Variants in DLC1 observed in about 807,000 individuals in gnomAD.
The protein encoded by DLC1 is DLC1 Rho GTPase activating protein.
Under a neutral mutation model 140.3 loss-of-function variants are expected in DLC1, and 54 were observed. The observed-to-expected ratio is 0.38, with a 90% CI of 0.31 to 0.48. The LOEUF (loss-of-function observed/expected upper bound fraction) is 0.48. Ranked by LOEUF, DLC1 falls within the 20% of genes least tolerant of loss-of-function variation. The probability of loss-of-function intolerance (pLI) is 0.96; values close to 1 mark genes in which losing one functional copy is unlikely to be tolerated. For synonymous variants in DLC1, 986 were observed against 728.1 expected (o/e 1.35, Z -5.70); for missense variants, 2,536 against 1,907.0 (o/e 1.33, Z -6.14).
At chr8:13,149,116 G>A (rs953807339) in intron 5 of DLC1, among the ~76,000 whole-genome samples, 1 of 152,038 alleles carries the variant, frequency 6.6e-6, no homozygotes, top group African/African-American at 2.4e-5. Flanking sequence ...GATACTGTTT[G>A]GAAATCTCTC....
At chr8:13,166,398 C>T (rs1332139909) in intron 5 of DLC1, among the ~76,000 whole-genome samples, 2 of 152,084 alleles carry the variant, frequency 1.3e-5, no homozygotes, top group African/African-American at 4.8e-5. Flanking sequence ...TGGAGTACAG[C>T]AGCATAATCT....
chr8:13,218,154 C>A (rs1343127282), intron 5 of DLC1, among the ~76,000 whole-genome samples: 1 of 152,104 alleles, frequency 6.6e-6, no homozygotes, highest in Non-Finnish European at 1.5e-5. Context: ...ACAGTCTCTT[C>A]AACAAATGGT....
At chr8:13,150,910 C>A (rs896393796) in intron 5 of DLC1, among the ~76,000 whole-genome samples, 1 of 152,162 alleles carries the variant, frequency 6.6e-6, no homozygotes, top group African/African-American at 2.4e-5. Flanking sequence ...AATAGTGAAG[C>A]TCAGATGTTT....
intron 12 of DLC1, among the ~76,000 whole-genome samples, chr8:13,093,457 C>A (rs1818254188): frequency 6.6e-6 from 1 of 152,002 alleles, no homozygotes; most frequent in Non-Finnish European, 1.5e-5. Flanking sequence ...AGAAAGCATG[C>A]TCGAGAGGCT....
chr8:13,509,975 C>A (rs1802280115), intron 1 of DLC1, among the ~76,000 whole-genome samples: 1 of 152,022 alleles, frequency 6.6e-6, no homozygotes, highest in African/African-American at 2.4e-5. Context: ...ATTTCAAGCA[C>A]TCACTAGATG....
intron 1 of DLC1, among the ~76,000 whole-genome samples, chr8:13,568,699 C>G (rs868200376): frequency 1.3e-5 from 2 of 152,088 alleles, no homozygotes; most frequent in Non-Finnish European, 1.5e-5. Context: ...TCAAGTGGAT[C>G]AAGGAAATCA....
Position 13,100,513 on chromosome 8 carries a change from G to A in DLC1, c.1824C>T (p.Pro608=). 6.2e-7 allele frequency: 1 copy of A among 1,612,660 alleles called. No homozygotes were observed. The highest frequency in any genetic ancestry group is 1.1e-5 in the South Asian group (1 of 91,078). The change falls in exon 9 of 18, where the codon CCC becomes CCT. Residue 608 remains proline (P), a synonymous_variant. Transcript: ENST00000276297. ...GGGGGGTGGCAGCATCCTCGCTGGG[G>A]GGCGCGTGGCTGGGGAGGCTGCCAG... ...SSTGSLPSHA[P]PSEDAATPRT...
chr8:13,521,244 C>T (rs1802755706), intron 1 of DLC1, among the ~76,000 whole-genome samples: 1 of 151,898 alleles, frequency 6.6e-6, no homozygotes, highest in Admixed American at 6.6e-5. Context: ...CCCACTGGGG[C>T]CTGTTGGAGG....
intron 5 of DLC1, among the ~76,000 whole-genome samples, chr8:13,122,882 T>C (rs915724060): frequency 2.0e-5 from 3 of 151,712 alleles, no homozygotes; most frequent in Non-Finnish European, 2.9e-5. Context: ...GGCTTAACAA[T>C]AGCTAACTCA....
rs201396556 is a variant in DLC1, at chr8:13,148,688, A to G, written c.1349-33031T>C. ...TGTTGTTGTTGTTGTTTTCTGTCTA[A>G]AAGCCTAACCTAAAGTTCTTAGGCT... is the stretch of plus-strand genomic sequence containing the variant. On this transcript the variant is annotated intron_variant, in intron 5 of 17. Coordinates refer to ENST00000276297, the MANE Select transcript of DLC1 (RefSeq NM_182643.3). 1.3e-4 allele frequency among the ~76,000 whole-genome samples: 20 copies of G among 152,272 alleles called. No individual in the cohort carries two copies. The East Asian group carries it at 3.5e-3, about 26-fold the overall frequency.
intron 4 of DLC1, among the ~76,000 whole-genome samples, chr8:13,375,114 G>A (rs1178287608): frequency 2.0e-5 from 3 of 147,750 alleles, no homozygotes; most frequent in African/African-American, 7.5e-5. Context: ...TGCAAGCTCC[G>A]CCTCCCGGCT....
In DLC1 at chr8:13,206,942, A is replaced by C. The variant is rs534536092; in HGVS notation, c.1349-91285T>G. Among the ~76,000 whole-genome samples the C allele has an allele frequency of 3.1e-3, 469 of 152,316 alleles. 2 individuals are homozygous for C. Among genetic ancestry groups the C allele is most frequent in the African/African-American group, 0.011 (439 of 41,586 alleles). On this transcript the variant is annotated intron_variant, in intron 5 of 17. Transcript: ENST00000276297. ...AGCTGTCACTATTATGCTACTGAGA[A>C]TACATTTTTTTAAACATTACATAAT...
intron 5 of DLC1, chr8:13,132,861 C>G (rs1822231105): frequency 2.0e-6 from 3 of 1,503,338 alleles, no homozygotes; most frequent in Admixed American, 1.9e-5. Context: ...CTTGACAAGG[C>G]GGGGTGACAC....
At chr8:13,235,531 G>A (rs1369998590) in intron 5 of DLC1, among the ~76,000 whole-genome samples, 6 of 151,970 alleles carry the variant, frequency 3.9e-5, no homozygotes, top group African/African-American at 1.4e-4. Flanking sequence ...AGCTATTCTA[G>A]GCAGATTTGG....
At chr8:13,164,067 C>A (rs1022117641) in intron 5 of DLC1, among the ~76,000 whole-genome samples, 1 of 151,982 alleles carries the variant, frequency 6.6e-6, no homozygotes, top group Non-Finnish European at 1.5e-5. Context: ...GAGGCCGAGG[C>A]GGGCGGATCA....
At chr8:13,468,817 T>C (rs1342178313) in intron 2 of DLC1, among the ~76,000 whole-genome samples, 3 of 51,836 alleles carry the variant, frequency 5.8e-5, no homozygotes, top group Non-Finnish European at 1.4e-4. Flanking sequence ...TCTGCTTTTT[T>C]TTTTTTTTTT....
chr8:13,480,686 T>G (rs1042623917), intron 2 of DLC1, among the ~76,000 whole-genome samples: 2 of 152,138 alleles, frequency 1.3e-5, no homozygotes, highest in African/African-American at 4.8e-5. Flanking sequence ...AGGGGATCAC[T>G]TGATGTCAGG....
At chr8:13,401,641 T>A in intron 2 of DLC1, 22 bp from the exon 3 acceptor site, 2 of 1,599,314 alleles carry the variant, frequency 1.3e-6, no homozygotes, top group Non-Finnish European at 1.7e-6. Flanking sequence ...AACATTTTGT[T>A]ACTGAATCTG....
At chr8:13,484,811 C>T (rs1800891628) in intron 2 of DLC1, among the ~76,000 whole-genome samples, 1 of 151,832 alleles carries the variant, frequency 6.6e-6, no homozygotes, top group South Asian at 2.1e-4. Context: ...AAAAGTCCAT[C>T]TCGTCCTTCT....
Sources: allele counts gnomAD v4.1 joint callset (sites outside exome capture counted in the v4.1 genomes callset), GRCh38; gene constraint gnomAD v4.1.1; transcripts MANE v1.5; gene names NCBI Gene and HGNC (gene_info 2026-07-23, HGNC 2026-07-21).